EDA: variants seen among roughly 807,000 people sequenced by gnomAD.
EDA encodes the protein ectodysplasin A.
A neutral mutation model predicts 23.6 loss-of-function variants in EDA; 2 were observed. That is an observed-to-expected ratio of 0.08 (90% CI 0.03 to 0.27). EDA has a LOEUF of 0.27. Among genes scored for constraint, EDA ranks in the 10% least tolerant of loss-of-function variants. The pLI, the probability that EDA is intolerant of heterozygous loss-of-function variation, is 1.00. For missense variants in EDA, 229 were observed against 324.2 expected, an observed-to-expected ratio of 0.71 and a Z score of 2.26; for synonymous variants, 131 against 132.0, an observed-to-expected ratio of 0.99 and a Z score of 0.05.
chrX:69,684,429 A>G (rs905983286), intron 1 of EDA, among the ~76,000 whole-genome samples: 1 of 112,165 alleles, frequency 8.9e-6, no homozygotes, highest in Non-Finnish European at 1.9e-5. Flanking sequence ...AATTCATCAA[A>G]AAAACAATTA....
At chrX:69,990,672 A>C (rs1481325473) in intron 2 of EDA, among the ~76,000 whole-genome samples, 2 of 108,966 alleles carry the variant, frequency 1.8e-5, no homozygotes, top group Non-Finnish European at 3.8e-5. Flanking sequence ...ATTATCGAAA[A>C]GTTTTCTCTC....
intron 1 of EDA, among the ~76,000 whole-genome samples, chrX:69,809,318 C>T (rs754561086): frequency 9.0e-6 from 1 of 110,698 alleles, no homozygotes; most frequent in South Asian, 3.9e-4. Context: ...TGGCAGAAGG[C>T]GAAAGGGGAA....
intron 2 of EDA, among the ~76,000 whole-genome samples, chrX:69,992,399 C>T (rs765239847): frequency 1.8e-5 from 2 of 112,472 alleles, no homozygotes; most frequent in Admixed American, 1.9e-4. Context: ...ATCCTATTGT[C>T]TTTATGTTTC....
At chrX:69,619,289 G>T (rs939267218) in intron 1 of EDA, among the ~76,000 whole-genome samples, 7 of 111,954 alleles carry the variant, frequency 6.3e-5, no homozygotes, top group Non-Finnish European at 1.3e-4. Flanking sequence ...AGAGTAAACT[G>T]CAGGAAGCTC....
intron 1 of EDA, among the ~76,000 whole-genome samples, chrX:69,674,923 C>G (rs778253038): frequency 8.9e-6 from 1 of 111,982 alleles, no homozygotes; most frequent in African/African-American, 3.2e-5. Flanking sequence ...CTTCCTTGAA[C>G]CTCTGAAGTG....
chrX:69,664,825 T>G (rs1933626977), intron 1 of EDA, among the ~76,000 whole-genome samples: 2 of 111,962 alleles, frequency 1.8e-5, no homozygotes, highest in South Asian at 7.4e-4. Flanking sequence ...TCATTGCTTT[T>G]GGGTATATGC....
intron 2 of EDA, among the ~76,000 whole-genome samples, chrX:69,984,108 C>T (rs1416759522): frequency 4.1e-5 from 3 of 72,850 alleles, no homozygotes; most frequent in Non-Finnish European, 7.5e-5. Flanking sequence ...ATCTCTGGGA[C>T]GCATTCAAAG....
At chrX:69,938,447 A>G (rs1008086786) in intron 1 of EDA, among the ~76,000 whole-genome samples, 2 of 111,808 alleles carry the variant, frequency 1.8e-5, no homozygotes, top group Non-Finnish European at 3.8e-5. Flanking sequence ...TCATTTTAAA[A>G]TCGAATTATT....
intron 1 of EDA, among the ~76,000 whole-genome samples, chrX:69,724,399 T>C (rs746761275): frequency 8.9e-6 from 1 of 111,951 alleles, no homozygotes; most frequent in Non-Finnish European, 1.9e-5. Context: ...TTTTTCTTTT[T>C]TTTAAGAAAC....
At chrX:69,779,761 C>T (rs961364121) in intron 1 of EDA, among the ~76,000 whole-genome samples, 4 of 111,541 alleles carry the variant, frequency 3.6e-5, no homozygotes, top group East Asian at 2.8e-4. Context: ...ACAAACAAAA[C>T]GAACAAAAAC....
intron 1 of EDA, among the ~76,000 whole-genome samples, chrX:69,647,540 G>T (rs995628491): frequency 8.9e-6 from 1 of 111,900 alleles, no homozygotes; most frequent in Admixed American, 9.5e-5. Flanking sequence ...GCTCCATCAG[G>T]TTGGCTGTGT....
rs759612826 is a variant in EDA at position 69,688,265 on chromosome X, T to G, written c.396+71561T>G. Among the ~76,000 whole-genome samples the G allele has an allele frequency of 3.7e-4, 41 of 111,755 alleles. 1 individual carries two copies. The highest frequency in any genetic ancestry group is 3.5e-3 in the Admixed American group (37 of 10,561). ...TGGGGGAAAGAAAAGACAATTAGTA[T>G]GTGGATATGCCTCTATGTCAGTGAA... On this transcript the variant is annotated intron_variant, in intron 1 of 7. Transcript: ENST00000374552.
chrX:69,654,785 C>T (rs1235517563), intron 1 of EDA, among the ~76,000 whole-genome samples: 9 of 63,302 alleles, frequency 1.4e-4, no homozygotes, highest in Admixed American at 2.6e-4. Flanking sequence ...CATCACACAC[C>T]GGGGACTGTT....
At chrX:69,790,206 CT>C (rs766961246) in intron 1 of EDA, among the ~76,000 whole-genome samples, 2 of 109,793 alleles carry the variant, frequency 1.8e-5, no homozygotes, top group African/African-American at 6.6e-5. Flanking sequence ...CCTCTTTTTT[CT>C]TTTTTTTATA....
intron 1 of EDA, among the ~76,000 whole-genome samples, chrX:69,798,274 C>CA (rs754606492): frequency 9.9e-5 from 11 of 110,773 alleles, no homozygotes; most frequent in African/African-American, 3.3e-4. Context: ...AGAAAATCGA[C>CA]AAAAAAACAT....
chrX:69,814,333 C>T (rs1251014783), intron 1 of EDA, among the ~76,000 whole-genome samples: 1 of 112,613 alleles, frequency 8.9e-6, no homozygotes, highest in Non-Finnish European at 1.9e-5. Flanking sequence ...ATTTAAAAAG[C>T]CATGGAAGAA....
At chrX:69,978,318 TAAAAAAAAAAAAA>T (rs144187734) in intron 2 of EDA, among the ~76,000 whole-genome samples, 42 of 20,419 alleles carry the variant, frequency 2.1e-3, no homozygotes, top group African/African-American at 4.1e-3. Context: ...ACTCCATCTC[TAAAAAAAAAAAAA>T]AAAAAAAAAA....
intron 2 of EDA, among the ~76,000 whole-genome samples, chrX:69,999,342 G>A (rs779262427): frequency 9.0e-6 from 1 of 111,676 alleles, no homozygotes; most frequent in Admixed American, 9.5e-5. Flanking sequence ...GCTAAGTATA[G>A]TGGCTCACGC....
intron 1 of EDA, among the ~76,000 whole-genome samples, chrX:69,821,130 A>T (rs5980664): frequency 9.3e-6 from 1 of 107,991 alleles, no homozygotes; most frequent in African/African-American, 3.4e-5. Context: ...GCAAACTAAC[A>T]CAGGAACAGA....
Sources: allele counts gnomAD v4.1 joint callset (sites outside exome capture counted in the v4.1 genomes callset), GRCh38; gene constraint gnomAD v4.1.1; transcripts MANE v1.5; gene names NCBI Gene and HGNC (gene_info 2026-07-23, HGNC 2026-07-21).